The following COL28A1 variants were observed in gnomAD, a reference collection of about 807,000 sequenced individuals.
The protein encoded by COL28A1 is collagen type XXVIII alpha 1 chain, also known as collagen alpha-1(XXVIII) chain.
A neutral mutation model predicts 150.2 loss-of-function variants in COL28A1; 161 were observed. The ratio of observed to expected loss-of-function variants is 1.07; its 90% CI spans 0.94 to 1.22. The LOEUF is 1.22. Among genes scored for constraint, COL28A1 ranks in the 50% most tolerant of loss-of-function variants. The pLI, the probability that COL28A1 is intolerant of heterozygous loss-of-function variation, is 0.00. For synonymous variants in COL28A1, 552 were observed against 469.7 expected (o/e 1.18, Z -2.26); for missense variants, 1,617 against 1,388.3 (o/e 1.16, Z -2.62).
rs572599011 is a variant in COL28A1 at position 7,407,602 on chromosome 7, T to C, written c.2136+10257A>G. Among the ~76,000 whole-genome samples the C allele has an allele frequency of 2.6e-5, 4 of 151,980 alleles. No homozygotes were observed. In the East Asian group the frequency reaches 7.7e-4, roughly 29 times the overall value. ...CTTAGGAAAATATCTTTTAAGAAGA[T>C]ATTAAGGAGGAAAAAAAGATACTTT... On this transcript the variant is annotated intron_variant, in intron 27 of 34. Transcript: ENST00000399429.
rs1457712054 is a variant in COL28A1 at position 7,489,462 on chromosome 7, G to C, written c.1096-5C>G. On this transcript the variant is annotated splice_region_variant and splice_polypyrimidine_tract_variant and intron_variant, in intron 12 of 34. Coordinates refer to ENST00000399429, the MANE Select transcript of COL28A1 (RefSeq NM_001037763.3). ...TCCTTCTTGGCCTCTTTCTCCCTAA[G>C]AGAAAGAAATAATAGAATGAAAGCT... 1 of 1,232,190 alleles carries C rather than the reference G, an allele frequency of 8.1e-7. No individual in the cohort carries two copies. The highest frequency in any genetic ancestry group is 1.5e-5 in the African/African-American group (1 of 67,730). 76.3% of individuals were successfully genotyped at this position (1,232,190 alleles called of 1,614,324 possible).
chr7:7,439,172 T>A (rs1459624591), intron 21 of COL28A1, among the ~76,000 whole-genome samples: 1 of 152,202 alleles, frequency 6.6e-6, no homozygotes, highest in African/African-American at 2.4e-5. Flanking sequence ...TCACCAGTGA[T>A]GACTCCTGCC....
intron 9 of COL28A1, among the ~76,000 whole-genome samples, chr7:7,510,534 C>G (rs569174357): frequency 7.9e-5 from 12 of 152,350 alleles, no homozygotes; most frequent in Non-Finnish European, 1.6e-4. Context: ...ATCCACCCAC[C>G]TTGGCCTCCC....
At chr7:7,340,643 C>T in the COL28A1 span, among the ~76,000 whole-genome samples, 3 of 152,026 alleles carry the variant, frequency 2.0e-5, no homozygotes, top group Non-Finnish European at 4.4e-5. Context: ...ATTGCCATTT[C>T]CCATCTTTTT....
chr7:7,534,845 A>T (rs944273198), intron 1 of COL28A1, among the ~76,000 whole-genome samples: 1 of 152,092 alleles, frequency 6.6e-6, no homozygotes, highest in African/African-American at 2.4e-5. Context: ...TGACATTGTT[A>T]ATCTAGCTCT....
At chr7:7,403,920 C>T (rs1783357082) in intron 27 of COL28A1, among the ~76,000 whole-genome samples, 1 of 152,096 alleles carries the variant, frequency 6.6e-6, no homozygotes, top group East Asian at 1.9e-4. Context: ...TAGATAAAAA[C>T]CTTTTCCTAA....
upstream of COL28A1, among the ~76,000 whole-genome samples, chr7:7,538,817 C>T (rs1782731093): frequency 2.0e-5 from 3 of 151,758 alleles, no homozygotes; most frequent in South Asian, 2.1e-4. Context: ...CAAGCTTCTC[C>T]CTATTTTAGC....
the COL28A1 span, among the ~76,000 whole-genome samples, chr7:7,344,019 A>T: frequency 2.0e-5 from 3 of 151,780 alleles, no homozygotes; most frequent in East Asian, 3.9e-4. Flanking sequence ...ATAAAAATAA[A>T]AAAAAAAATA....
chr7:7,407,175 T>A (rs1271937302), intron 27 of COL28A1, among the ~76,000 whole-genome samples: 3 of 152,054 alleles, frequency 2.0e-5, no homozygotes, highest in African/African-American at 4.8e-5. Flanking sequence ...AAAAAAGATA[T>A]GTATAGATTG....
chr7:7,460,872 A>G (rs1026383902), intron 15 of COL28A1, among the ~76,000 whole-genome samples: 13 of 152,230 alleles, frequency 8.5e-5, no homozygotes, highest in Admixed American at 2.6e-4. Context: ...CACACCTTGC[A>G]TATACTAGAT....
chr7:7,500,251 G>A (rs997185716), intron 11 of COL28A1, among the ~76,000 whole-genome samples: 1 of 152,110 alleles, frequency 6.6e-6, no homozygotes, highest in African/African-American at 2.4e-5. Context: ...ATAGGCAACT[G>A]CCCACATAAC....
At chr7:7,501,725 C>T (rs1225066336) in intron 11 of COL28A1, among the ~76,000 whole-genome samples, 2 of 152,084 alleles carry the variant, frequency 1.3e-5, no homozygotes, top group Non-Finnish European at 2.9e-5. Flanking sequence ...GCAACCTGAG[C>T]CACCATGACA....
intron 14 of COL28A1, among the ~76,000 whole-genome samples, chr7:7,476,674 C>T (rs991002036): frequency 4.6e-5 from 7 of 152,172 alleles, no homozygotes; most frequent in Admixed American, 3.3e-4. Context: ...TCTTTCATAA[C>T]ATTTTGTTTC....
intron 34 of COL28A1, among the ~76,000 whole-genome samples, chr7:7,360,171 A>G (rs146419266): frequency 5.3e-5 from 8 of 152,194 alleles, no homozygotes; most frequent in African/African-American, 7.2e-5. Context: ...TTCATAGACC[A>G]AATTTACTCC....
Position 7,452,385 on chromosome 7 carries a change from T to C in COL28A1, c.1443A>G (p.Gly481=). The C allele has an allele frequency of 1.9e-6, 3 of 1,595,364 alleles. No individual in the cohort carries two copies. Among genetic ancestry groups the C allele is most frequent in the Non-Finnish European group, 2.6e-6 (3 of 1,175,764 alleles). Residue 481 remains glycine (G), a splice_region_variant and synonymous_variant, in exon 18 of 35, where the codon GGA becomes GGG. Coordinates refer to ENST00000399429, the MANE Select transcript of COL28A1 (RefSeq NM_001037763.3). The part of the protein sequence containing the change: ...PAGQGLPGSK[G]EVGQMGPTGP... Reference sequence around the variant, plus strand: ...CTGTAGGTCCCATTTGGCCTACTTCTCCCTAGTAAGAAAAGAGTTTAATAC... The same window carrying C: ...CTGTAGGTCCCATTTGGCCTACTTCCCCCTAGTAAGAAAAGAGTTTAATAC...
chr7:7,529,619 C>T (rs1728841410), intron 3 of COL28A1, among the ~76,000 whole-genome samples: 2 of 152,198 alleles, frequency 1.3e-5, no homozygotes, highest in South Asian at 2.1e-4. Flanking sequence ...GAAGCAGGTG[C>T]TCTCAGCGAG....
rs373039949 is a variant in COL28A1 at position 7,489,475 on chromosome 7, T to C, written c.1096-18A>G. ...CTTTCTCCCTAAGAGAAAGAAATAA[T>C]AGAATGAAAGCTTGAGATTTTAAAT... On this transcript the variant is annotated intron_variant, in intron 12 of 34. Transcript: ENST00000399429. 77 of 1,066,232 alleles carry C rather than the reference T, an allele frequency of 7.2e-5. No homozygotes were observed. In the East Asian group the frequency reaches 1.2e-3, roughly 17 times the overall value. The allele number at this position is 1,066,232 out of a possible 1,614,324, so 66.0% of individuals were successfully genotyped here.
At chr7:7,498,288 C>T (rs1484104206) in intron 11 of COL28A1, among the ~76,000 whole-genome samples, 2 of 152,100 alleles carry the variant, frequency 1.3e-5, no homozygotes, top group Non-Finnish European at 2.9e-5. Context: ...TTTTGAGAAT[C>T]GCAGCTCTAG....
intron 18 of COL28A1, among the ~76,000 whole-genome samples, chr7:7,446,590 C>T (rs928078202): frequency 9.9e-5 from 15 of 152,180 alleles, no homozygotes; most frequent in African/African-American, 3.1e-4. Context: ...AAAAGAGGGA[C>T]GTCTACCTAA....
Sources: allele counts gnomAD v4.1 joint callset (sites outside exome capture counted in the v4.1 genomes callset), GRCh38; gene constraint gnomAD v4.1.1; transcripts MANE v1.5; gene names NCBI Gene and HGNC (gene_info 2026-07-23, HGNC 2026-07-21).